MICU1: variants seen among roughly 807,000 people sequenced by gnomAD.
MICU1 encodes calcium uptake protein 1, mitochondrial.
MICU1 carries 45 observed loss-of-function variants against 56.8 expected under a neutral mutation model. The ratio of observed to expected loss-of-function variants is 0.79; its 90% CI spans 0.62 to 1.02. The LOEUF (loss-of-function observed/expected upper bound fraction) is 1.02. Among genes scored for constraint, MICU1 ranks in the 50% least tolerant of loss-of-function variants. MICU1 has a pLI of 0.00. For synonymous variants in MICU1, 186 were observed against 195.1 expected, an observed-to-expected ratio of 0.95 and a Z score of 0.39; for missense variants, 504 against 587.1, an observed-to-expected ratio of 0.86 and a Z score of 1.46.
intron 1 of MICU1, among the ~76,000 whole-genome samples, chr10:72,590,499 C>T (rs1323615104): frequency 1.3e-5 from 2 of 152,060 alleles, no homozygotes; most frequent in African/African-American, 2.4e-5. Context: ...AGAACAACCA[C>T]GTAGAAGATA....
intron 8 of MICU1, among the ~76,000 whole-genome samples, chr10:72,446,439 T>C (rs1865107094): frequency 6.6e-6 from 1 of 152,084 alleles, no homozygotes; most frequent in Non-Finnish European, 1.5e-5. Flanking sequence ...CCAGTGATTT[T>C]CCTGCCTCAG....
intron 8 of MICU1, among the ~76,000 whole-genome samples, chr10:72,463,344 T>C (rs754007741): frequency 2.0e-5 from 3 of 152,210 alleles, no homozygotes; most frequent in African/African-American, 7.2e-5. Flanking sequence ...ATTACAGGCA[T>C]GAGCCATGGC....
intron 1 of MICU1, among the ~76,000 whole-genome samples, chr10:72,569,984 C>T (rs12358098): frequency 0.59 from 89,262 of 151,962 alleles, 27,514 homozygotes; most frequent in Non-Finnish European, 0.68. Context: ...CTTGCTCTGT[C>T]GCCAAGGCTG....
At chr10:72,429,126 A>G (rs1186449644) in intron 8 of MICU1, among the ~76,000 whole-genome samples, 2 of 152,214 alleles carry the variant, frequency 1.3e-5, no homozygotes, top group African/African-American at 4.8e-5. Context: ...CCCAGTTAAC[A>G]TTCAATAAAT....
intron 6 of MICU1, among the ~76,000 whole-genome samples, chr10:72,500,253 CAT>C: frequency 2.0e-5 from 1 of 49,954 alleles, no homozygotes; most frequent in Non-Finnish European, 3.4e-5. Flanking sequence ...TATATACATA[CAT>C]ACATACATAT....
chr10:72,414,238 A>T (rs1704291296), intron 9 of MICU1, among the ~76,000 whole-genome samples: 1 of 152,246 alleles, frequency 6.6e-6, no homozygotes, highest in African/African-American at 2.4e-5. Context: ...ATGGATAAAT[A>T]AAATTTAGTA....
chr10:72,473,296 T>C (rs1866004768), intron 8 of MICU1: 1 of 152,072 alleles, frequency 6.6e-6, no homozygotes, highest in African/African-American at 2.4e-5. Flanking sequence ...AAGAAATAAA[T>C]GTTTGCAAAG....
At chr10:72,494,657 C>T (rs1377697482) in intron 6 of MICU1, among the ~76,000 whole-genome samples, 1 of 150,128 alleles carries the variant, frequency 6.7e-6, no homozygotes, top group Non-Finnish European at 1.5e-5. Flanking sequence ...GTTAAGAACC[C>T]GAAAATAAAA....
intron 8 of MICU1, among the ~76,000 whole-genome samples, chr10:72,458,819 A>C (rs116685329): frequency 0.027 from 4,067 of 150,914 alleles, 177 homozygotes; most frequent in African/African-American, 0.095. Flanking sequence ...CAATTGATCC[A>C]ACCACCTCAG....
At chr10:72,378,061 C>T (rs1049375282) in intron 10 of MICU1, among the ~76,000 whole-genome samples, 3 of 152,072 alleles carry the variant, frequency 2.0e-5, no homozygotes, top group Non-Finnish European at 4.4e-5. Flanking sequence ...ACCAGCCTGG[C>T]CAACATGGTG....
chr10:72,624,213 G>A (rs1842176563), intron 1 of MICU1, among the ~76,000 whole-genome samples: 1 of 152,140 alleles, frequency 6.6e-6, no homozygotes, highest in Non-Finnish European at 1.5e-5. Context: ...GTTGTTTTAA[G>A]AGACAGGGTA....
At chr10:72,525,645 T>A (rs774627475) in intron 5 of MICU1, among the ~76,000 whole-genome samples, 1 of 152,164 alleles carries the variant, frequency 6.6e-6, no homozygotes, top group Non-Finnish European at 1.5e-5. Context: ...GGTATACTAG[T>A]CTGCAGCTTT....
intron 2 of MICU1, among the ~76,000 whole-genome samples, chr10:72,563,997 A>G (rs1564936647): frequency 1.4e-5 from 2 of 140,310 alleles, no homozygotes; most frequent in African/African-American, 6.6e-5. Flanking sequence ...CCAAAATAAT[A>G]TAAGTATTTC....
At chr10:72,592,314 C>T (rs1168586472) in intron 1 of MICU1, among the ~76,000 whole-genome samples, 1 of 151,752 alleles carries the variant, frequency 6.6e-6, no homozygotes, top group Non-Finnish European at 1.5e-5. Flanking sequence ...AGCCTGAGAC[C>T]CTGTTTCAAG....
intron 8 of MICU1, among the ~76,000 whole-genome samples, chr10:72,460,282 T>C (rs898464337): frequency 2.0e-5 from 3 of 152,230 alleles, no homozygotes; most frequent in Non-Finnish European, 4.4e-5. Context: ...AATGCACTTT[T>C]ATTTATTTAA....
intron 2 of MICU1, among the ~76,000 whole-genome samples, chr10:72,564,544 GA>G (rs11465166): frequency 4.6e-4 from 49 of 107,412 alleles, no homozygotes; most frequent in East Asian, 2.2e-3. Context: ...ATCTCAAAAA[GA>G]AAAAAAAAAA....
intron 5 of MICU1, chr10:72,523,836 T>C: frequency 1.3e-6 from 2 of 1,528,566 alleles, no homozygotes; most frequent in Non-Finnish European, 1.7e-6. Flanking sequence ...CCTTGGCCCG[T>C]CTGTAAGTAT....
chr10:72,575,114 G>C (rs1253259698), intron 1 of MICU1, among the ~76,000 whole-genome samples: 5 of 152,074 alleles, frequency 3.3e-5, no homozygotes, highest in African/African-American at 1.2e-4. Context: ...GCTAAGGCTA[G>C]TTTTGAACTC....
chr10:72,395,453 G>T (rs1241881545), intron 10 of MICU1, among the ~76,000 whole-genome samples: 4 of 152,196 alleles, frequency 2.6e-5, no homozygotes, highest in Admixed American at 2.0e-4. Context: ...GCAGCCCACG[G>T]AGAGTGAGTC....
Sources: gnomAD v4.1 joint callset for allele counts (sites outside exome capture counted in the v4.1 genomes callset) on GRCh38, gnomAD v4.1.1 for gene constraint, MANE v1.5 for transcripts, NCBI Gene and HGNC (gene_info 2026-07-23, HGNC 2026-07-21) for gene names.